DNM3: variants seen among roughly 807,000 people sequenced by gnomAD.
The protein encoded by DNM3 is dynamin 3, also known as dynamin-3.
A neutral mutation model predicts 101.6 loss-of-function variants in DNM3; 47 were observed. The observed-to-expected ratio is 0.46, with a 90% CI of 0.37 to 0.59. DNM3 has a LOEUF of 0.59. Ranked by LOEUF, DNM3 falls within the 20% of genes least tolerant of loss-of-function variation. The pLI is 0.00. For missense variants in DNM3, 849 were observed against 1,085.7 expected (o/e 0.78, Z 3.06); for synonymous variants, 385 against 387.9 (o/e 0.99, Z 0.09).
At chr1:172,024,107 G>T (rs2048032753) in intron 4 of DNM3, among the ~76,000 whole-genome samples, 1 of 150,808 alleles carries the variant, frequency 6.6e-6, no homozygotes, top group African/African-American at 2.4e-5. Context: ...TTTCCTTCAG[G>T]TTTCATATTA....
chr1:172,007,204 T>C (rs1414208040), intron 4 of DNM3, among the ~76,000 whole-genome samples: 2 of 152,122 alleles, frequency 1.3e-5, no homozygotes, highest in African/African-American at 4.8e-5. Flanking sequence ...TTAAAAAAAT[T>C]TTAAAAACTA....
intron 14 of DNM3, among the ~76,000 whole-genome samples, chr1:172,197,101 G>A (rs1427918444): frequency 2.0e-5 from 3 of 152,140 alleles, no homozygotes; most frequent in Non-Finnish European, 4.4e-5. Context: ...GTAAGGAAGG[G>A]GTCCAGCTTC....
At chr1:172,214,793 G>A (rs1434821274) in intron 14 of DNM3, among the ~76,000 whole-genome samples, 2 of 152,004 alleles carry the variant, frequency 1.3e-5, no homozygotes, top group African/African-American at 4.8e-5. Flanking sequence ...TAGTAACACT[G>A]AGAGAATGAG....
intron 9 of DNM3, among the ~76,000 whole-genome samples, chr1:172,044,784 C>G (rs768994768): frequency 3.9e-5 from 6 of 152,096 alleles, no homozygotes; most frequent in African/African-American, 7.2e-5. Flanking sequence ...ATTACTTACA[C>G]CAGAGAAGGG....
intron 15 of DNM3, among the ~76,000 whole-genome samples, chr1:172,263,780 G>T (rs1241274377): frequency 6.6e-6 from 1 of 152,162 alleles, no homozygotes; most frequent in Non-Finnish European, 1.5e-5. Flanking sequence ...TGAGATTTGG[G>T]TGGGGACACA....
intron 14 of DNM3, among the ~76,000 whole-genome samples, chr1:172,206,481 T>A (rs915946251): frequency 6.6e-6 from 1 of 152,132 alleles, no homozygotes; most frequent in African/African-American, 2.4e-5. Context: ...TTGTTAAAAA[T>A]TAATAATTTT....
At chr1:172,321,959 C>CCATT (rs1194032307) in intron 16 of DNM3, among the ~76,000 whole-genome samples, 1 of 152,036 alleles carries the variant, frequency 6.6e-6, no homozygotes, top group Non-Finnish European at 1.5e-5. Context: ...CGTTCTTATG[C>CCATT]CATTATTTAT....
At chr1:172,212,273 G>A (rs556749545) in intron 14 of DNM3, among the ~76,000 whole-genome samples, 48 of 152,236 alleles carry the variant, frequency 3.2e-4, no homozygotes, top group African/African-American at 9.6e-4. Context: ...AAGCTGGAAA[G>A]TTGCTCAGTC....
At chr1:171,960,039 G>A (rs145623202) in intron 2 of DNM3, among the ~76,000 whole-genome samples, 5 of 152,248 alleles carry the variant, frequency 3.3e-5, no homozygotes, top group Admixed American at 6.5e-5. Context: ...TTCAAAAATA[G>A]GATCTTTGCA....
intron 15 of DNM3, among the ~76,000 whole-genome samples, chr1:172,265,838 G>T (rs1455204118): frequency 6.6e-6 from 1 of 152,146 alleles, no homozygotes; most frequent in Non-Finnish European, 1.5e-5. Flanking sequence ...TGTCCAGGGG[G>T]TTGTAGGGCA....
intron 17 of DNM3, among the ~76,000 whole-genome samples, chr1:172,356,823 C>T (rs1292018204): frequency 6.6e-6 from 1 of 151,848 alleles, no homozygotes; most frequent in Admixed American, 6.6e-5. Context: ...TAAATGGAGC[C>T]AAGGATCCTT....
intron 4 of DNM3, among the ~76,000 whole-genome samples, chr1:171,989,712 A>G (rs1325173780): frequency 6.6e-6 from 1 of 152,158 alleles, no homozygotes; most frequent in Non-Finnish European, 1.5e-5. Flanking sequence ...TAAACTTTTT[A>G]CTTCTCTAAG....
At chr1:172,231,544 C>T (rs1055877290) in intron 14 of DNM3, among the ~76,000 whole-genome samples, 1 of 152,172 alleles carries the variant, frequency 6.6e-6, no homozygotes, top group Non-Finnish European at 1.5e-5. Flanking sequence ...CACCTCTCCT[C>T]CTCCAAAGGA....
chr1:172,416,854 T>G (rs2071446208), downstream of DNM3, among the ~76,000 whole-genome samples: 1 of 152,140 alleles, frequency 6.6e-6, no homozygotes, highest in Non-Finnish European at 1.5e-5. Context: ...CCCTAGCCCC[T>G]GCCCCGGCCC....
intron 16 of DNM3, among the ~76,000 whole-genome samples, chr1:172,315,106 C>G (rs944460890): frequency 2.0e-5 from 3 of 152,204 alleles, no homozygotes; most frequent in African/African-American, 7.2e-5. Context: ...TCTGCAGACA[C>G]CGCTGCTGAT....
chr1:172,050,201 T>A (rs542952244), intron 10 of DNM3, among the ~76,000 whole-genome samples: 2 of 152,320 alleles, frequency 1.3e-5, no homozygotes, highest in African/African-American at 4.8e-5. Flanking sequence ...CTCTTCAGAA[T>A]GCAACCTATC....
intron 14 of DNM3, among the ~76,000 whole-genome samples, chr1:172,235,477 C>T (rs142308275): frequency 1.7e-4 from 26 of 152,186 alleles, no homozygotes; most frequent in African/African-American, 6.0e-4. Flanking sequence ...ACCATTTGAC[C>T]CAGCAATCCC....
At chr1:172,315,483 A>G (rs2065292977) in intron 16 of DNM3, among the ~76,000 whole-genome samples, 1 of 152,228 alleles carries the variant, frequency 6.6e-6, no homozygotes. Context: ...GAAGTTGAAA[A>G]CTTTGAAAAA....
chr1:171,909,014 C>T (rs1392681140), intron 1 of DNM3, among the ~76,000 whole-genome samples: 1 of 152,048 alleles, frequency 6.6e-6, no homozygotes, highest in East Asian at 1.9e-4. Flanking sequence ...TATTTTTGAA[C>T]ACCTGCTATG....
Sources: allele counts gnomAD v4.1 joint callset (sites outside exome capture counted in the v4.1 genomes callset), GRCh38; gene constraint gnomAD v4.1.1; transcripts MANE v1.5; gene names NCBI Gene and HGNC (gene_info 2026-07-23, HGNC 2026-07-21).